The following FAT3 variants were observed in gnomAD, a reference collection of about 807,000 sequenced individuals.
FAT3 encodes the protein protocadherin Fat 3.
A neutral mutation model predicts 310.2 loss-of-function variants in FAT3; 95 were observed. The ratio of observed to expected loss-of-function variants is 0.31; its 90% CI spans 0.26 to 0.36. The LOEUF is 0.36. Ranked by LOEUF, FAT3 falls within the 10% of genes least tolerant of loss-of-function variation. The pLI is 1.00. For synonymous variants in FAT3, 2,314 were observed against 2,192.9 expected (o/e 1.06, Z -1.54); for missense variants, 5,408 against 5,715.6 (o/e 0.95, Z 1.74).
At chr11:92,830,110 C>T (rs954535050) in intron 13 of FAT3, among the ~76,000 whole-genome samples, 14 of 152,230 alleles carry the variant, frequency 9.2e-5, no homozygotes, top group African/African-American at 2.9e-4. Flanking sequence ...GACTAATGAC[C>T]GTCTTCTTTA....
intron 2 of FAT3, among the ~76,000 whole-genome samples, chr11:92,486,979 A>G (rs1177901407): frequency 1.3e-5 from 2 of 152,206 alleles, no homozygotes; most frequent in Admixed American, 6.5e-5. Context: ...AGAAAGAGGC[A>G]TGAAAGAACA....
At chr11:92,253,439 C>T (rs947075021) in intron 1 of FAT3, among the ~76,000 whole-genome samples, 2 of 152,166 alleles carry the variant, frequency 1.3e-5, no homozygotes, top group East Asian at 1.9e-4. Context: ...GTTGATCTAT[C>T]GTCAACTTGG....
intron 1 of FAT3, among the ~76,000 whole-genome samples, chr11:92,330,603 C>T (rs1415678750): frequency 1.3e-5 from 2 of 152,156 alleles, no homozygotes; most frequent in East Asian, 3.9e-4. Context: ...CTCAGGTCTT[C>T]ATGTTCTGAG....
chr11:92,479,991 C>T (rs1223929960), intron 2 of FAT3, among the ~76,000 whole-genome samples: 2 of 152,010 alleles, frequency 1.3e-5, no homozygotes, highest in Admixed American at 6.6e-5. Context: ...CAAGGCTGGG[C>T]GCGGTTGCTC....
intron 2 of FAT3, among the ~76,000 whole-genome samples, chr11:92,375,500 T>A (rs1425807861): frequency 1.4e-5 from 2 of 147,202 alleles, no homozygotes; most frequent in Non-Finnish European, 3.0e-5. Context: ...CTCATGCCCA[T>A]GGTTGACATT....
At chr11:92,758,100 TATTATC>T (rs1404438341) in intron 4 of FAT3, among the ~76,000 whole-genome samples, 1 of 152,190 alleles carries the variant, frequency 6.6e-6, no homozygotes, top group Non-Finnish European at 1.5e-5. Flanking sequence ...TCTTTTCACT[TATTATC>T]ATAGGGAAGA....
chr11:92,282,117 G>T (rs906728216), intron 1 of FAT3, among the ~76,000 whole-genome samples: 2 of 152,006 alleles, frequency 1.3e-5, no homozygotes, highest in Admixed American at 6.6e-5. Flanking sequence ...TGTTTGCCAG[G>T]CTGGCCTTAA....
At chr11:92,537,151 C>A (rs762249912) in intron 3 of FAT3, among the ~76,000 whole-genome samples, 2 of 152,108 alleles carry the variant, frequency 1.3e-5, no homozygotes, top group Non-Finnish European at 2.9e-5. Flanking sequence ...TCAACCTAAC[C>A]CTGAGCGGGA....
chr11:92,806,407 A>G lies in FAT3; in HGVS notation c.9139A>G (p.Ile3047Val). 6.3e-7 allele frequency: 1 copy of G among 1,597,046 alleles called. No individual in the cohort carries two copies. The highest frequency in any genetic ancestry group is 8.5e-7 in the Non-Finnish European group (1 of 1,170,728). Residue 3047 changes from isoleucine to valine, a missense_variant, in exon 12 of 28, where the codon ATC (isoleucine) becomes GTC (valine). Ile to Val is a conservative substitution (Grantham distance 29). Around this residue, in one of 5 missense-constraint regions of FAT3, gnomAD observed 4,588 missense variants for 4,809.8 expected, o/e 0.95. Transcript: ENST00000525166. Reference sequence around the variant, plus strand: ...TCCTGAAGACATTCCATCAAATAAAATCATCCTGAAAGTCAGTGCAAAGGA... The same window carrying G: ...TCCTGAAGACATTCCATCAAATAAAGTCATCCTGAAAGTCAGTGCAAAGGA... Reference protein sequence around the residue: ...LLPEDIPSNKIILKVSAKDAD... With the variant: ...LLPEDIPSNKVILKVSAKDAD...
chr11:92,488,452 C>G (rs1220150220), intron 2 of FAT3, among the ~76,000 whole-genome samples: 1 of 73,328 alleles, frequency 1.4e-5, no homozygotes, highest in South Asian at 8.9e-4. Context: ...CTAGCACCGC[C>G]CCCCCCCCCG....
chr11:92,396,640 C>A (rs1431404597), intron 2 of FAT3, among the ~76,000 whole-genome samples: 1 of 152,120 alleles, frequency 6.6e-6, no homozygotes, highest in Non-Finnish European at 1.5e-5. Flanking sequence ...GGTGGGTCTC[C>A]CCATCTCATC....
At chr11:92,484,777 G>A (rs537610566) in intron 2 of FAT3, among the ~76,000 whole-genome samples, 56 of 152,324 alleles carry the variant, frequency 3.7e-4, no homozygotes, top group African/African-American at 1.3e-3. Context: ...CTTCTACGCT[G>A]CATCTTCAGC....
At chr11:92,854,080 C>T (rs539823775) in intron 19 of FAT3, among the ~76,000 whole-genome samples, 1 of 152,280 alleles carries the variant, frequency 6.6e-6, no homozygotes, top group South Asian at 2.1e-4. Context: ...TCAGCACCCC[C>T]GCAGCTTCCC....
At chr11:92,606,384 T>G (rs1302545563) in intron 3 of FAT3, among the ~76,000 whole-genome samples, 1 of 152,166 alleles carries the variant, frequency 6.6e-6, no homozygotes, top group Non-Finnish European at 1.5e-5. Flanking sequence ...CATGACCTTC[T>G]AGGAGAATGG....
intron 3 of FAT3, among the ~76,000 whole-genome samples, chr11:92,532,655 T>A (rs1021135870): frequency 1.3e-5 from 2 of 152,220 alleles, no homozygotes; most frequent in Non-Finnish European, 2.9e-5. Context: ...AGGATTTGGC[T>A]GGTAACGAAA....
At chr11:92,844,875 A>T (rs1948648743) in intron 19 of FAT3, 143 bp downstream of exon 19, 1 of 1,037,110 alleles carries the variant, frequency 9.6e-7, no homozygotes, top group East Asian at 2.6e-5. Flanking sequence ...GCCATGATAG[A>T]TGCTGGGGCT....
At chr11:92,241,020 T>C (rs1160063520) in intron 1 of FAT3, among the ~76,000 whole-genome samples, 1 of 151,790 alleles carries the variant, frequency 6.6e-6, no homozygotes, top group Non-Finnish European at 1.5e-5. Flanking sequence ...AAATAAAGCA[T>C]GGATTAGAAA....
rs532129890 is a variant in FAT3 at position 92,367,797 on chromosome 11, C to A, written c.3292+12393C>A. Reference sequence around the variant, plus strand: ...CATTGTGGGATGAGTTTTACAAATTCCAATTGGAGACATAACAGTATGAAG... The same window carrying A: ...CATTGTGGGATGAGTTTTACAAATTACAATTGGAGACATAACAGTATGAAG... On this transcript the variant is annotated intron_variant, in intron 2 of 27. Coordinates refer to ENST00000525166, the MANE Select transcript of FAT3 (RefSeq NM_001367949.2). Among the ~76,000 whole-genome samples, 38 of 152,270 alleles carry A rather than the reference C, an allele frequency of 2.5e-4. 1 individual carries two copies. In the South Asian group the frequency reaches 6.2e-3, roughly 25 times the overall value.
At position 92,789,952 on chromosome 11, in the gene FAT3, A is replaced by G; in HGVS notation, c.4345A>G (p.Lys1449Glu). 1 of 1,613,452 alleles carries G rather than the reference A, an allele frequency of 6.2e-7. No individual in the cohort carries two copies. The highest frequency in any genetic ancestry group is 8.5e-7 in the Non-Finnish European group (1 of 1,179,486). The change falls in exon 8 of 28, where the codon AAA (lysine) becomes GAA (glutamate). Residue 1449 changes from lysine (K) to glutamate (E), a missense_variant. Physicochemically the swap from Lys to Glu is moderately conservative, Grantham distance 56. Transcript: ENST00000525166. The part of the protein sequence containing the change: ...TNVAVTQVFI[K>E]VLDNNDNGPE... ...CTTCTTTTAACTACAGGTATTTATC[A>G]AAGTGCTGGATAATAATGATAATGG...
Sources: gnomAD v4.1 joint callset for allele counts (sites outside exome capture counted in the v4.1 genomes callset) on GRCh38, gnomAD v4.1.1 for gene constraint, gnomAD v4.1.1 regional missense constraint, MANE v1.5 for transcripts, NCBI Gene and HGNC (gene_info 2026-07-23, HGNC 2026-07-21) for gene names.